GALNT18: variants seen among roughly 807,000 people sequenced by gnomAD.
GALNT18 encodes GalNAc-transferase 18.
GALNT18 carries 44 observed loss-of-function variants against 69.5 expected under a neutral mutation model. The ratio of observed to expected loss-of-function variants is 0.63; its 90% CI spans 0.50 to 0.81. The LOEUF is 0.81. Among genes scored for constraint, GALNT18 ranks in the 40% least tolerant of loss-of-function variants. GALNT18 has a pLI of 0.00. For missense variants in GALNT18, 715 were observed against 810.0 expected (o/e 0.88, Z 1.42); for synonymous variants, 364 against 318.2 (o/e 1.14, Z -1.53).
chr11:11,375,851 G>T (rs772315857), intron 5 of GALNT18, among the ~76,000 whole-genome samples: 1 of 152,168 alleles, frequency 6.6e-6, no homozygotes, highest in Admixed American at 6.5e-5. Flanking sequence ...GTTTTATCCC[G>T]TTTTAAGTAT....
In GALNT18 at chr11:11,582,421, G is replaced by A. The variant is rs1219184206; in HGVS notation, c.235+38938C>T. Reference sequence around the variant, plus strand: ...GCAGTGCTATCCAGTGGGGGATTCTGTGTCCCATCCCACAGTGACAATGAG... The same window carrying A: ...GCAGTGCTATCCAGTGGGGGATTCTATGTCCCATCCCACAGTGACAATGAG... On this transcript the variant is annotated intron_variant, in intron 1 of 10. Coordinates refer to ENST00000227756, the MANE Select transcript of GALNT18 (RefSeq NM_198516.3). The surrounding 1 kb of genome is among the most constrained non-coding windows in gnomAD (Gnocchi z 5.0). Among the ~76,000 whole-genome samples, 1 of 152,232 alleles carries A rather than the reference G, an allele frequency of 6.6e-6. No homozygotes were observed. Among genetic ancestry groups the A allele is most frequent in the Non-Finnish European group, 1.5e-5 (1 of 68,044 alleles).
rs1214993264 is a variant in GALNT18, at chr11:11,459,304, C to T, written c.236-10368G>A. 2.0e-5 allele frequency among the ~76,000 whole-genome samples: 3 copies of T among 152,156 alleles called. No homozygotes were observed. The highest frequency in any genetic ancestry group is 7.2e-5 in the African/African-American group (3 of 41,436). ...GCCAAAAGAACGAAGTGGAATCTGA[C>T]AGCAAAGAGCTTGGAACCAATCAGG... On this transcript the variant is annotated intron_variant, in intron 1 of 10. Transcript: ENST00000227756. The surrounding 1 kb of genome is among the most constrained non-coding windows in gnomAD (Gnocchi z 5.0).
chr11:11,535,127 A>G (rs1857746699), intron 1 of GALNT18, among the ~76,000 whole-genome samples: 3 of 152,236 alleles, frequency 2.0e-5, no homozygotes, highest in Admixed American at 2.0e-4. Context: ...GAGTATCTGC[A>G]TGGCTCTCAG....
At chr11:11,352,491 T>C (rs1850432417) in intron 6 of GALNT18, 1 of 1,613,982 alleles carries the variant, frequency 6.2e-7, no homozygotes, top group Admixed American at 1.7e-5. Flanking sequence ...CAAACTATAA[T>C]CGTACATCTG....
In GALNT18 at chr11:11,314,845, T is replaced by C. The variant is rs932185165; in HGVS notation, c.1512+12241A>G. Among the ~76,000 whole-genome samples, 5 of 152,166 alleles carry C rather than the reference T, an allele frequency of 3.3e-5. No homozygotes were observed. Among genetic ancestry groups the C allele is most frequent in the African/African-American group, 1.2e-4 (5 of 41,446 alleles). On this transcript the variant is annotated intron_variant, in intron 9 of 10. Coordinates refer to ENST00000227756, the MANE Select transcript of GALNT18 (RefSeq NM_198516.3). This position sits in a 1 kb window ranked among gnomAD's most constrained non-coding sequence, Gnocchi z 5.2. ...CAGCCTTCGCCGTGGGAGCAGTTGCTCCTGGCTGTGACATAGTAAAACCTA... is the reference window on the plus strand; with the variant it reads ...CAGCCTTCGCCGTGGGAGCAGTTGCCCCTGGCTGTGACATAGTAAAACCTA...
At position 11,463,171 on chromosome 11, in the gene GALNT18, T is replaced by A. The variant is rs1374660425; in HGVS notation, c.236-14235A>T. Among the ~76,000 whole-genome samples the A allele has an allele frequency of 1.3e-5, 2 of 151,110 alleles. No homozygotes were observed. The highest frequency in any genetic ancestry group is 4.9e-5 in the African/African-American group (2 of 41,014). On this transcript the variant is annotated intron_variant, in intron 1 of 10. Coordinates refer to ENST00000227756, the MANE Select transcript of GALNT18 (RefSeq NM_198516.3). The surrounding 1 kb of genome is among the most constrained non-coding windows in gnomAD (Gnocchi z 4.2). ...CTTCCCTCAGTTATCACTGGCTGTA[T>A]CCTCACACATGGACATACACACTCA... is the stretch of plus-strand genomic sequence containing the variant.
intron 6 of GALNT18, among the ~76,000 whole-genome samples, chr11:11,361,135 G>A (rs539589677): frequency 2.7e-4 from 41 of 152,166 alleles, no homozygotes; most frequent in Admixed American, 1.5e-3. Flanking sequence ...TTTCCCAGCA[G>A]GGGGAAAGTG....
chr11:11,536,025 C>T (rs552402882), intron 1 of GALNT18, among the ~76,000 whole-genome samples: 3 of 152,300 alleles, frequency 2.0e-5, no homozygotes, highest in South Asian at 2.1e-4. Context: ...CATCCAAACA[C>T]GTACACAGTA....
At position 11,290,505 on chromosome 11, in the gene GALNT18, G is replaced by A. The variant is rs558185664; in HGVS notation, c.1677+2524C>T. ...AGTTGGCCTTCCAGACTCTTCAGCC[G>A]CTCCCCACTGTGCCCTCCAGGATCG... On this transcript the variant is annotated intron_variant, in intron 10 of 10. Transcript: ENST00000227756. 7.9e-5 allele frequency among the ~76,000 whole-genome samples: 12 copies of A among 152,194 alleles called. 1 individual carries two copies. In the South Asian group the frequency reaches 2.3e-3, roughly 29 times the overall value.
At chr11:11,466,651 A>G (rs1301980266) in intron 1 of GALNT18, among the ~76,000 whole-genome samples, 3 of 152,180 alleles carry the variant, frequency 2.0e-5, no homozygotes, top group Middle Eastern at 3.2e-3. Flanking sequence ...CCTTTAAAGA[A>G]AGGGTCTGTG....
intron 1 of GALNT18, among the ~76,000 whole-genome samples, chr11:11,458,661 A>C (rs1855973567): frequency 6.6e-6 from 1 of 152,268 alleles, no homozygotes; most frequent in African/African-American, 2.4e-5. Context: ...TAATGAGGGC[A>C]GGACTCACAC....
chr11:11,536,388 T>A (rs143503680), intron 1 of GALNT18, among the ~76,000 whole-genome samples: 2 of 152,318 alleles, frequency 1.3e-5, no homozygotes, highest in East Asian at 3.9e-4. Context: ...TAGGTCTGTC[T>A]GCTCTAAAGC....
Position 11,621,758 on chromosome 11 carries a change from G to A in GALNT18, c.-165C>T, listed in dbSNP as rs894077756. 1.7e-6 allele frequency: 1 copy of A among 605,060 alleles called. No individual in the cohort carries two copies. Among genetic ancestry groups the A allele is most frequent in the Non-Finnish European group, 2.9e-6 (1 of 342,150 alleles). The allele number at this position is 605,060 out of a possible 1,614,324, so 37.5% of individuals were successfully genotyped here. A position where few individuals can be genotyped will look rare whatever the true frequency, so the allele number is the denominator to read the frequency against. On this transcript the variant is annotated 5_prime_UTR_variant, in exon 1 of 11. Coordinates refer to ENST00000227756, the MANE Select transcript of GALNT18 (RefSeq NM_198516.3). This position sits in a 1 kb window ranked among gnomAD's most constrained non-coding sequence, Gnocchi z 9.3. ...GGTCCGCTGCCGGTGTAGCCGCCGTGCCCAAGTTTGCAGCTCCTGCCGCTG... is the reference window on the plus strand; with the variant it reads ...GGTCCGCTGCCGGTGTAGCCGCCGTACCCAAGTTTGCAGCTCCTGCCGCTG...
intron 1 of GALNT18, among the ~76,000 whole-genome samples, chr11:11,474,552 T>C (rs529122327): frequency 6.6e-6 from 1 of 152,202 alleles, no homozygotes. Context: ...AGTGCGTAAC[T>C]ATTGAGTAGT....
At chr11:11,482,550 T>C (rs1300126655) in intron 1 of GALNT18, among the ~76,000 whole-genome samples, 1 of 152,178 alleles carries the variant, frequency 6.6e-6, no homozygotes, top group Non-Finnish European at 1.5e-5. Context: ...CAGCCCTTTA[T>C]GGTTACACAG....
At chr11:11,291,668 C>T (rs1849301842) in intron 10 of GALNT18, among the ~76,000 whole-genome samples, 1 of 151,950 alleles carries the variant, frequency 6.6e-6, no homozygotes, top group Non-Finnish European at 1.5e-5. Flanking sequence ...GCATCCTCCA[C>T]CTGCCCTCGG....
At chr11:11,452,168 C>G (rs1438655056) in intron 1 of GALNT18, among the ~76,000 whole-genome samples, 1 of 152,208 alleles carries the variant, frequency 6.6e-6, no homozygotes, top group African/African-American at 2.4e-5. Flanking sequence ...GGAGGCCTTG[C>G]CTCTCTGAAC....
intron 1 of GALNT18, among the ~76,000 whole-genome samples, chr11:11,520,931 G>T (rs893538688): frequency 1.3e-5 from 2 of 152,070 alleles, no homozygotes; most frequent in African/African-American, 4.8e-5. Flanking sequence ...CAGGGATCGG[G>T]AAGCACATCG....
rs1487955210 is a variant in GALNT18, at chr11:11,614,654, C to T, written c.235+6705G>A. ...ATGGTAATGAAGACGCTCCAGTAAC[C>T]CTGTTTGTGACTCTGAATCCCATAA... On this transcript the variant is annotated intron_variant, in intron 1 of 10. Coordinates refer to ENST00000227756, the MANE Select transcript of GALNT18 (RefSeq NM_198516.3). The surrounding 1 kb of genome is among the most constrained non-coding windows in gnomAD (Gnocchi z 5.6). Among the ~76,000 whole-genome samples, 1 of 152,118 alleles carries T rather than the reference C, an allele frequency of 6.6e-6. No homozygotes were observed. The highest frequency in any genetic ancestry group is 1.9e-4 in the East Asian group (1 of 5,190).
Sources: allele counts gnomAD v4.1 joint callset (sites outside exome capture counted in the v4.1 genomes callset), GRCh38; gene constraint gnomAD v4.1.1; non-coding constraint Gnocchi (gnomAD v3.1); transcripts MANE v1.5; gene names NCBI Gene and HGNC (gene_info 2026-07-23, HGNC 2026-07-21).